Variants in FAT2 observed in about 807,000 individuals in gnomAD.
The protein encoded by FAT2 is FAT atypical cadherin 2, also known as protocadherin Fat 2.
FAT2 carries 150 observed loss-of-function variants against 295.3 expected under a neutral mutation model. The observed-to-expected ratio is 0.51, with a 90% confidence interval of 0.44 to 0.58. The LOEUF (loss-of-function observed/expected upper bound fraction) is 0.58, where lower values mean the gene tolerates loss of function less well. Among genes scored for constraint, FAT2 ranks in the 20% least tolerant of loss-of-function variants. The pLI is 0.00. For synonymous variants in FAT2, 2,026 were observed against 2,150.3 expected (o/e 0.94, Z 1.60); for missense variants, 4,868 against 5,442.7 (o/e 0.89, Z 3.32).
Position 151,544,490 on chromosome 5 carries a change from A to G in FAT2, c.6637T>C (p.Leu2213=), listed in dbSNP as rs765196176. 21 of 1,613,894 alleles carry G rather than the reference A, an allele frequency of 1.3e-5. No homozygotes were observed. Among genetic ancestry groups the G allele is most frequent in the African/African-American group, 8.0e-5 (6 of 74,888 alleles). ...TTGAAGTCAGTGGTGAACAGCATCA[A>G]GGGTTCTTCCTCCACAATGTTGTAG... is the stretch of plus-strand genomic sequence containing the variant. ...LIYNIVEEEP[L]MLFTTDFKTG... is the part of the protein sequence containing the mutation. Residue 2213 remains leucine (L), a synonymous_variant, in exon 10 of 24, where the codon TTG becomes CTG. Transcript: ENST00000261800.
intron 1 of FAT2, among the ~76,000 whole-genome samples, chr5:151,581,940 C>T (rs1342726943): frequency 6.6e-6 from 1 of 152,234 alleles, no homozygotes; most frequent in Non-Finnish European, 1.5e-5. Context: ...TTTCCTCTAG[C>T]CTGGCCCAGC....
chr5:151,515,194 C>G (rs998347676), intron 20 of FAT2, among the ~76,000 whole-genome samples: 1 of 152,278 alleles, frequency 6.6e-6, no homozygotes, highest in South Asian at 2.1e-4. Flanking sequence ...CTTCTTGATA[C>G]GTGTTCTTCA....
intron 9 of FAT2, 77 bp from the exon 10 acceptor site, chr5:151,546,414 G>A (rs1457021803): frequency 2.7e-6 from 3 of 1,128,424 alleles, no homozygotes; most frequent in Non-Finnish European, 3.8e-6. Flanking sequence ...TCAGTAAAGG[G>A]TCTATCACAC....
Position 151,543,252 on chromosome 5 carries a change from G to T in FAT2, c.7875C>A (p.Asn2625Lys). 6.2e-7 allele frequency: 1 copy of T among 1,614,144 alleles called. No homozygotes were observed. The highest frequency in any genetic ancestry group is 8.5e-7 in the Non-Finnish European group (1 of 1,180,034). ...GQNADVTYSV[N>K]PEDLVKDVIE... is the part of the protein sequence containing the mutation. ...TGACATCTTTAACTAGGTCCTCTGG[G>T]TTCACTGAGTAGGTGACATCTGCGT... Residue 2625 changes from asparagine to lysine, a missense_variant, in exon 10 of 24, where the codon AAC becomes AAA. Around this residue, in one of 5 missense-constraint regions of FAT2, gnomAD observed 3,297 missense variants for 3,669.4 expected, o/e 0.90. Transcript: ENST00000261800.
At chr5:151,515,368 T>C (rs1459134052) in intron 20 of FAT2, among the ~76,000 whole-genome samples, 1 of 152,218 alleles carries the variant, frequency 6.6e-6, no homozygotes, top group Admixed American at 6.5e-5. Context: ...CATTGCTTGG[T>C]GATCTCCCAT....
intron 11 of FAT2, among the ~76,000 whole-genome samples, chr5:151,538,350 G>A (rs935869851): frequency 6.6e-6 from 1 of 152,172 alleles, no homozygotes; most frequent in East Asian, 1.9e-4. Flanking sequence ...TAGGCATTCT[G>A]GAAGGTGTCA....
rs776662495 is a variant in FAT2, at chr5:151,521,672, C to T, written c.10921G>A (p.Glu3641Lys). ...CGCCAGTGGTCACTCACCAGCTCCT[C>T]GGGGGTGAGCTGGTAGAAGCCCATC... ...MWMGFYQLTP[E>K]ELVSDHWRNL... The change falls in exon 19 of 24, where the codon GAG (glutamate) becomes AAG (lysine). Residue 3641 changes from glutamate (E) to lysine (K), a missense_variant. By Grantham distance (56) the Glu-to-Lys change is moderately conservative. Coordinates refer to ENST00000261800, the MANE Select transcript of FAT2 (RefSeq NM_001447.3). 1.1e-5 allele frequency: 17 copies of T among 1,613,888 alleles called. No homozygotes were observed. Among genetic ancestry groups the T allele is most frequent in the Non-Finnish European group, 1.3e-5 (15 of 1,180,048 alleles).
rs114070271 is a variant in FAT2 at position 151,529,189 on chromosome 5, C to T, written c.10015G>A (p.Val3339Ile). The T allele has an allele frequency of 2.3e-4, 368 of 1,614,010 alleles. 1 individual carries two copies. In the African/African-American group the frequency reaches 4.2e-3, roughly 18 times the overall value. ...RVLENALVGD[V>I]ILTVSATDED... is the part of the protein sequence containing the mutation. ...TGGCAGATCCTTACCGTGAGGATGA[C>T]GTCACCCACAAGGGCATTCTCTAAG... Residue 3339 changes from valine to isoleucine, a missense_variant, in exon 15 of 24, where the codon GTC becomes ATC. Physicochemically the swap from Val to Ile is conservative, Grantham distance 29. Transcript: ENST00000261800.
chr5:151,538,932 T>G (rs1755802819), intron 11 of FAT2, among the ~76,000 whole-genome samples: 1 of 151,918 alleles, frequency 6.6e-6, no homozygotes, highest in Non-Finnish European at 1.5e-5. Context: ...GTGATCCGCC[T>G]GCCTCGGCCT....
chr5:151,515,325 G>A (rs1471896986), intron 20 of FAT2, among the ~76,000 whole-genome samples: 1 of 152,178 alleles, frequency 6.6e-6, no homozygotes, highest in Non-Finnish European at 1.5e-5. Flanking sequence ...GGGTCTCAAG[G>A]AGTAATCCTT....
Position 151,545,627 on chromosome 5 carries a change from G to A in FAT2, c.5500C>T (p.Pro1834Ser), listed in dbSNP as rs1316273988. The A allele has an allele frequency of 5.0e-6, 8 of 1,614,026 alleles. No individual in the cohort carries two copies. Among genetic ancestry groups the A allele is most frequent in the African/African-American group, 1.3e-5 (1 of 74,920 alleles). The change falls in exon 10 of 24, where the codon CCC becomes TCC. Residue 1834 changes from proline (P) to serine (S), a missense_variant. Coordinates refer to ENST00000261800, the MANE Select transcript of FAT2 (RefSeq NM_001447.3). ...ACATAGACACAGAATTGGAAAGAGGGCATGCTCTCATAATCCATCTCTGAT... is the reference window on the plus strand; with the variant it reads ...ACATAGACACAGAATTGGAAAGAGGACATGCTCTCATAATCCATCTCTGAT... ...IVSEMDYESMPSFQFCVYVHD... is the reference protein window; with the variant it reads ...IVSEMDYESMSSFQFCVYVHD...
Position 151,543,373 on chromosome 5 carries a change from A to C in FAT2, c.7754T>G (p.Phe2585Cys), listed in dbSNP as rs1490061210. The change falls in exon 10 of 24, where the codon TTC becomes TGC. Residue 2585 changes from phenylalanine to cysteine, a missense_variant. Coordinates refer to ENST00000261800, the MANE Select transcript of FAT2 (RefSeq NM_001447.3). ...LTDENDNPPQ[F>C]KASEYTVSIQ... ...GGATACTGTGTACTCAGATGCTTTG[A>C]ACTGTGGGGGGTTGTCATTTTCATC... 6.2e-7 allele frequency: 1 copy of C among 1,614,096 alleles called. No homozygotes were observed. The highest frequency in any genetic ancestry group is 2.2e-5 in the East Asian group (1 of 44,884).
At position 151,542,613 on chromosome 5, in the gene FAT2, T is replaced by C; in HGVS notation, c.8514A>G (p.Ala2838=). ...RDGQVSYRLS[A]DPGSNVHELF... Reference sequence around the variant, plus strand: ...GCTCATGGACATTGCTACCAGGGTCTGCAGACAGCCTGTAGCTCACCTGGC... The same window carrying C: ...GCTCATGGACATTGCTACCAGGGTCCGCAGACAGCCTGTAGCTCACCTGGC... The change falls in exon 10 of 24, where the codon GCA becomes GCG. Residue 2838 remains alanine, a synonymous_variant. Coordinates refer to ENST00000261800, the MANE Select transcript of FAT2 (RefSeq NM_001447.3). 1.2e-6 allele frequency: 2 copies of C among 1,614,204 alleles called. No homozygotes were observed. Among genetic ancestry groups the C allele is most frequent in the Non-Finnish European group, 1.7e-6 (2 of 1,180,034 alleles).
At chr5:151,578,288 C>T (rs1375772087) in intron 1 of FAT2, among the ~76,000 whole-genome samples, 6 of 152,166 alleles carry the variant, frequency 3.9e-5, no homozygotes, top group South Asian at 2.1e-4. Context: ...CTTGCCACTT[C>T]GATCCAATGG....
rs769178455 is a variant in FAT2, at chr5:151,566,366, G to A, written c.2566C>T (p.Arg856Cys). Residue 856 changes from arginine to cysteine, a missense_variant, in exon 2 of 24, where the codon CGC becomes TGC. Arg to Cys is a radical substitution (Grantham distance 180). Transcript: ENST00000261800. Reference protein sequence around the residue: ...DADSEDNGRVRYTLLSPTEKF... With the variant: ...DADSEDNGRVCYTLLSPTEKF... Reference sequence around the variant, plus strand: ...TCTGTGGGACTTAGCAGGGTGTAGCGAACCCTGCCATTGTCTTCCGAGTCA... The same window carrying A: ...TCTGTGGGACTTAGCAGGGTGTAGCAAACCCTGCCATTGTCTTCCGAGTCA... 1.4e-5 allele frequency: 22 copies of A among 1,613,950 alleles called. No individual in the cohort carries two copies. The highest frequency in any genetic ancestry group is 7.7e-5 in the South Asian group (7 of 91,070).
intron 22 of FAT2, 141 bp downstream of exon 22, chr5:151,509,880 T>C: frequency 2.1e-6 from 2 of 959,024 alleles, no homozygotes; most frequent in Non-Finnish European, 3.1e-6. Context: ...TGGGGACCAC[T>C]GCCCTAACAG....
At chr5:151,535,346 C>T (rs1368827009) in intron 12 of FAT2, among the ~76,000 whole-genome samples, 1 of 152,040 alleles carries the variant, frequency 6.6e-6, no homozygotes, top group African/African-American at 2.4e-5. Context: ...TCTTTCCCCC[C>T]TTTTCTAATT....
At chr5:151,507,876 T>C (rs1226935817) in intron 22 of FAT2, among the ~76,000 whole-genome samples, 1 of 152,230 alleles carries the variant, frequency 6.6e-6, no homozygotes, top group African/African-American at 2.4e-5. Context: ...ATCTAGGCAC[T>C]GTATACACTC....
intron 1 of FAT2, among the ~76,000 whole-genome samples, chr5:151,583,266 G>C (rs1759034405): frequency 6.6e-6 from 1 of 152,286 alleles, no homozygotes; most frequent in East Asian, 1.9e-4. Flanking sequence ...AGCAGCACTA[G>C]TTATAGCAGC....
Sources: gnomAD v4.1 joint callset for allele counts (sites outside exome capture counted in the v4.1 genomes callset) on GRCh38, gnomAD v4.1.1 for gene constraint, gnomAD v4.1.1 regional missense constraint, MANE v1.5 for transcripts, NCBI Gene and HGNC (gene_info 2026-07-23, HGNC 2026-07-21) for gene names.